The following CRPPA variants were observed in gnomAD, a reference collection of about 807,000 sequenced individuals.
CRPPA encodes the protein CDP-L-ribitol pyrophosphorylase A.
CRPPA carries 43 observed loss-of-function variants against 52.0 expected under a neutral mutation model. The ratio of observed to expected loss-of-function variants is 0.83; its 90% confidence interval spans 0.65 to 1.07. The LOEUF (loss-of-function observed/expected upper bound fraction) is 1.07, where lower values mean the gene tolerates loss of function less well. Ranked by LOEUF, CRPPA falls within the 50% of genes least tolerant of loss-of-function variation. The pLI is 0.00. For synonymous variants in CRPPA, 250 were observed against 203.5 expected (o/e 1.23, Z -1.94); for missense variants, 629 against 551.7 (o/e 1.14, Z -1.40).
intron 3 of CRPPA, among the ~76,000 whole-genome samples, chr7:16,320,447 A>C (rs1242198910): frequency 6.6e-6 from 1 of 152,110 alleles, no homozygotes; most frequent in Non-Finnish European, 1.5e-5. Context: ...TTTTATAACA[A>C]AAAAAAGTTA....
At chr7:16,218,120 C>G (rs1309750103) in intron 8 of CRPPA, among the ~76,000 whole-genome samples, 13 of 152,104 alleles carry the variant, frequency 8.5e-5, no homozygotes, top group South Asian at 2.1e-4. Context: ...AGCCAGAAGA[C>G]AGTGGGGGCC....
intron 8 of CRPPA, among the ~76,000 whole-genome samples, chr7:16,255,894 A>C (rs1562589729): frequency 6.6e-6 from 1 of 152,228 alleles, no homozygotes; most frequent in East Asian, 1.9e-4. Context: ...CAAAGTCTTC[A>C]TGACTAAAAC....
chr7:16,312,968 TTGG>T lies in CRPPA; in HGVS notation c.685-4344_685-4342del, dbSNP rs1287244226. 2.0e-5 allele frequency among the ~76,000 whole-genome samples: 3 copies of T among 151,964 alleles called. No individual in the cohort carries two copies. In the South Asian group the frequency reaches 6.2e-4, roughly 31 times the overall value. On this transcript the variant is annotated intron_variant, in intron 3 of 9. Transcript: ENST00000407010. Reference sequence around the variant, plus strand: ...GCTTTTGTACATTGTTGAATTCAGCTTGGTGATATTTTGATAAGGACCATGACA... The same window carrying T: ...GCTTTTGTACATTGTTGAATTCAGCTTGATATTTTGATAAGGACCATGACA...
intron 9 of CRPPA, among the ~76,000 whole-genome samples, chr7:16,190,583 A>G (rs2128390283): frequency 6.6e-6 from 1 of 152,306 alleles, no homozygotes; most frequent in East Asian, 1.9e-4. Context: ...CCTTGTCTTT[A>G]GAAAGAGCAT....
intron 9 of CRPPA, among the ~76,000 whole-genome samples, chr7:16,152,002 A>G (rs1783084875): frequency 6.6e-6 from 1 of 152,022 alleles, no homozygotes; most frequent in South Asian, 2.1e-4. Context: ...ATATTCTTCA[A>G]ACATTTGAGA....
intron 2 of CRPPA, among the ~76,000 whole-genome samples, chr7:16,402,182 T>A (rs1787834229): frequency 6.6e-6 from 1 of 152,214 alleles, no homozygotes; most frequent in Admixed American, 6.5e-5. Flanking sequence ...AGCAAAATTA[T>A]CTTGGCTTGG....
At chr7:16,199,162 C>T (rs1275851843) in intron 9 of CRPPA, among the ~76,000 whole-genome samples, 3 of 152,084 alleles carry the variant, frequency 2.0e-5, no homozygotes, top group Admixed American at 2.0e-4. Flanking sequence ...TCTAACTGGA[C>T]CAGTGGTTCT....
intron 9 of CRPPA, among the ~76,000 whole-genome samples, chr7:16,094,989 A>G (rs1311863342): frequency 6.6e-6 from 1 of 152,146 alleles, no homozygotes; most frequent in Admixed American, 6.6e-5. Context: ...TAAACTATGC[A>G]CTTTGTTAAT....
intron 9 of CRPPA, among the ~76,000 whole-genome samples, chr7:16,187,310 A>G (rs1037388117): frequency 6.6e-6 from 1 of 152,184 alleles, no homozygotes; most frequent in Non-Finnish European, 1.5e-5. Flanking sequence ...TCTTTAGACA[A>G]ATTTCTAGGG....
intron 3 of CRPPA, among the ~76,000 whole-genome samples, chr7:16,336,437 ATATTT>A (rs1486687845): frequency 6.6e-6 from 1 of 152,100 alleles, no homozygotes. Context: ...TAGTATAAAA[ATATTT>A]TATGTAAGCC....
chr7:16,344,863 T>A (rs940690384), intron 3 of CRPPA, among the ~76,000 whole-genome samples: 41 of 150,500 alleles, frequency 2.7e-4, no homozygotes, highest in African/African-American at 9.8e-4. Flanking sequence ...CAGTGGATAA[T>A]AATGAAGCAT....
intron 5 of CRPPA, 52 bp from the exon 6 acceptor site, chr7:16,278,278 C>A (rs1376247134): frequency 3.4e-6 from 3 of 870,148 alleles, no homozygotes; most frequent in African/African-American, 3.4e-5. Flanking sequence ...TGTAACAAGG[C>A]CCTAGGATGC....
chr7:16,157,015 T>C (rs554172640), intron 9 of CRPPA, among the ~76,000 whole-genome samples: 1 of 152,182 alleles, frequency 6.6e-6, no homozygotes, highest in East Asian at 1.9e-4. Flanking sequence ...TGTTGTTTTT[T>C]GTTTTTTGTT....
chr7:16,230,567 T>C (rs891003654), intron 8 of CRPPA, among the ~76,000 whole-genome samples: 1 of 152,226 alleles, frequency 6.6e-6, no homozygotes, highest in African/African-American at 2.4e-5. Context: ...TGTTTCTCTG[T>C]ATTTTCTTCA....
chr7:16,237,122 T>A (rs1019729631), intron 8 of CRPPA, among the ~76,000 whole-genome samples: 2 of 152,204 alleles, frequency 1.3e-5, no homozygotes, highest in African/African-American at 2.4e-5. Flanking sequence ...TTATGAGACA[T>A]AAAATTAGAG....
intron 3 of CRPPA, among the ~76,000 whole-genome samples, chr7:16,361,394 A>G (rs983888191): frequency 6.6e-6 from 1 of 152,218 alleles, no homozygotes; most frequent in Non-Finnish European, 1.5e-5. Flanking sequence ...CGAGACTCCA[A>G]CAGATTTATA....
At chr7:16,101,261 C>T (rs778589388) in intron 9 of CRPPA, among the ~76,000 whole-genome samples, 3 of 152,098 alleles carry the variant, frequency 2.0e-5, no homozygotes, top group Non-Finnish European at 4.4e-5. Flanking sequence ...TGGTAGAATT[C>T]GGCTGTGAAT....
At chr7:16,268,992 C>T (rs1784024886) in intron 6 of CRPPA, 2 of 152,180 alleles carry the variant, frequency 1.3e-5, no homozygotes, top group Admixed American at 6.6e-5. Flanking sequence ...TCAGTTCGAA[C>T]TTCTTGAGTT....
intron 5 of CRPPA, among the ~76,000 whole-genome samples, chr7:16,294,822 A>G (rs549153436): frequency 1.3e-5 from 2 of 152,164 alleles, no homozygotes; most frequent in African/African-American, 4.8e-5. Context: ...TGATGAGAAC[A>G]TACCACAGAT....
Sources: gnomAD v4.1 joint callset for allele counts (sites outside exome capture counted in the v4.1 genomes callset) on GRCh38, gnomAD v4.1.1 for gene constraint, MANE v1.5 for transcripts, NCBI Gene and HGNC (gene_info 2026-07-23, HGNC 2026-07-21) for gene names.